Variants in SCOC observed in about 807,000 individuals in gnomAD.
SCOC encodes the protein short coiled coil protein.
SCOC carries 7 observed loss-of-function variants against 9.9 expected under a neutral mutation model. The observed-to-expected ratio is 0.71, with a 90% CI of 0.40 to 1.33. SCOC has a LOEUF of 1.33. Among genes scored for constraint, SCOC ranks in the 40% most tolerant of loss-of-function variants. SCOC has a pLI of 0.01. For missense variants in SCOC, 66 were observed against 89.7 expected (o/e 0.74, Z 1.07); for synonymous variants, 19 against 28.2 (o/e 0.67, Z 1.03).
chr4:140,373,304 T>C (rs1304189143), upstream of SCOC: 18 of 1,383,820 alleles, frequency 1.3e-5, no homozygotes, highest in Non-Finnish European at 1.7e-5. Context: ...ACCAGCCTCT[T>C]TCCTGATTTT....
chr4:140,365,937 T>C (rs1727773805), intron 2 of SCOC, among the ~76,000 whole-genome samples: 1 of 152,216 alleles, frequency 6.6e-6, no homozygotes, highest in African/African-American at 2.4e-5. Context: ...GGATTTTCCA[T>C]TACACAGGGT....
At chr4:140,366,084 G>A (rs1727779806) in intron 2 of SCOC, among the ~76,000 whole-genome samples, 1 of 151,984 alleles carries the variant, frequency 6.6e-6, no homozygotes, top group Admixed American at 6.5e-5. Flanking sequence ...ACAGAAAACT[G>A]TAAAGATCAT....
intron 2 of SCOC, among the ~76,000 whole-genome samples, chr4:140,356,605 G>GT (rs1279498719): frequency 6.6e-6 from 1 of 152,172 alleles, no homozygotes; most frequent in African/African-American, 2.4e-5. Context: ...CTCAGTTTGT[G>GT]TTTTCTGATG....
At chr4:140,307,361 T>C (rs1732023880) in intron 1 of SCOC, among the ~76,000 whole-genome samples, 1 of 152,236 alleles carries the variant, frequency 6.6e-6, no homozygotes, top group Admixed American at 6.5e-5. Flanking sequence ...AGATCTTCTT[T>C]GAGCAGTCTG....
intron 2 of SCOC, among the ~76,000 whole-genome samples, chr4:140,352,107 G>T (rs1437425041): frequency 6.6e-6 from 1 of 152,146 alleles, no homozygotes; most frequent in Non-Finnish European, 1.5e-5. Context: ...AGCGTGTTCT[G>T]GTCAGGACTA....
intron 1 of SCOC, among the ~76,000 whole-genome samples, chr4:140,337,914 C>T (rs1278941967): frequency 1.3e-5 from 2 of 152,030 alleles, no homozygotes; most frequent in Non-Finnish European, 2.9e-5. Context: ...TTCCAATCAA[C>T]AGAAAAAGAG....
chr4:140,267,057 T>C (rs1214350600), intron 1 of SCOC, among the ~76,000 whole-genome samples: 1 of 152,096 alleles, frequency 6.6e-6, no homozygotes, highest in Non-Finnish European at 1.5e-5. Context: ...GAGAAAAGGA[T>C]AGAATATTTC....
chr4:140,286,110 G>A (rs1280626258), intron 1 of SCOC, among the ~76,000 whole-genome samples: 2 of 151,940 alleles, frequency 1.3e-5, no homozygotes, highest in Non-Finnish European at 2.9e-5. Flanking sequence ...TTTGAACCTG[G>A]GAGGTGGAGG....
At chr4:140,316,509 G>A (rs1162723741) in intron 1 of SCOC, among the ~76,000 whole-genome samples, 1 of 152,166 alleles carries the variant, frequency 6.6e-6, no homozygotes, top group Non-Finnish European at 1.5e-5. Context: ...GAGTCAAACT[G>A]TGTCTTTGTT....
intron 1 of SCOC, among the ~76,000 whole-genome samples, chr4:140,289,497 C>G (rs1211521345): frequency 6.6e-6 from 1 of 152,200 alleles, no homozygotes; most frequent in African/African-American, 2.4e-5. Context: ...GATGTTAAGA[C>G]TGTGGATCAG....
chr4:140,271,544 G>T (rs962451093), intron 1 of SCOC, among the ~76,000 whole-genome samples: 1 of 152,192 alleles, frequency 6.6e-6, no homozygotes, highest in Non-Finnish European at 1.5e-5. Context: ...CCATAATCTA[G>T]GTGCCTGAGC....
At chr4:140,271,660 A>G (rs1310006486) in intron 1 of SCOC, among the ~76,000 whole-genome samples, 1 of 152,198 alleles carries the variant, frequency 6.6e-6, no homozygotes, top group Admixed American at 6.5e-5. Flanking sequence ...CACACAGACA[A>G]TGGAAGATGT....
chr4:140,294,221 T>G (rs895429361), intron 1 of SCOC, among the ~76,000 whole-genome samples: 1 of 152,050 alleles, frequency 6.6e-6, no homozygotes, highest in Non-Finnish European at 1.5e-5. Flanking sequence ...CAACTTCCAG[T>G]GAGTCTCTCC....
intron 1 of SCOC, among the ~76,000 whole-genome samples, chr4:140,265,516 G>A (rs901664809): frequency 5.9e-5 from 9 of 152,304 alleles, no homozygotes; most frequent in South Asian, 4.1e-4. Flanking sequence ...GCCACGTGGT[G>A]GAAGACTTAT....
chr4:140,354,362 T>A (rs554606051), intron 2 of SCOC, among the ~76,000 whole-genome samples: 3 of 152,340 alleles, frequency 2.0e-5, no homozygotes, highest in Admixed American at 6.5e-5. Context: ...AATAAAATGT[T>A]ATAATTTGAG....
intron 2 of SCOC, among the ~76,000 whole-genome samples, chr4:140,368,060 C>T (rs1389872544): frequency 6.6e-6 from 1 of 152,342 alleles, no homozygotes. Flanking sequence ...CCTGCAGTCT[C>T]ATGGTTAATT....
At chr4:140,304,100 A>T (rs1289016194) in intron 1 of SCOC, among the ~76,000 whole-genome samples, 1 of 152,136 alleles carries the variant, frequency 6.6e-6, no homozygotes, top group African/African-American at 2.4e-5. Context: ...AGTGGTGCTT[A>T]GGGAGAAACC....
At chr4:140,259,567 G>C (rs1242621180) in intron 1 of SCOC, among the ~76,000 whole-genome samples, 2 of 152,134 alleles carry the variant, frequency 1.3e-5, no homozygotes, top group Non-Finnish European at 2.9e-5. Flanking sequence ...AGAAAAAAAA[G>C]TTATCCAGGC....
intron 1 of SCOC, among the ~76,000 whole-genome samples, chr4:140,267,554 G>T (rs191860361): frequency 1.3e-5 from 2 of 152,110 alleles, no homozygotes; most frequent in South Asian, 4.1e-4. Flanking sequence ...GATAGGAGGC[G>T]CTGACAGGCT....
Sources: gnomAD v4.1 joint callset for allele counts (sites outside exome capture counted in the v4.1 genomes callset) on GRCh38, gnomAD v4.1.1 for gene constraint, MANE v1.5 for transcripts, NCBI Gene and HGNC (gene_info 2026-07-23, HGNC 2026-07-21) for gene names.